Variants in LSAMP observed in about 807,000 individuals in gnomAD.
LSAMP encodes the protein limbic system associated membrane protein.
LSAMP carries 7 observed loss-of-function variants against 38.6 expected under a neutral mutation model. That is an observed-to-expected ratio of 0.18 (90% confidence interval 0.10 to 0.34). The LOEUF (loss-of-function observed/expected upper bound fraction) is 0.34, where lower values mean the gene tolerates loss of function less well. Ranked by LOEUF, LSAMP falls within the 10% of genes least tolerant of loss-of-function variation. LSAMP has a pLI of 1.00. For synonymous variants in LSAMP, 154 were observed against 166.8 expected (o/e 0.92, Z 0.59); for missense variants, 313 against 420.0 (o/e 0.75, Z 2.23).
intron 1 of LSAMP, among the ~76,000 whole-genome samples, chr3:116,155,026 T>TA (rs59677450): frequency 6.6e-6 from 1 of 151,772 alleles, no homozygotes; most frequent in African/African-American, 2.4e-5. Context: ...TGGTTTTTTT[T>TA]GTTTTTTGTT....
chr3:116,022,873 C>G (rs961094627), intron 2 of LSAMP, among the ~76,000 whole-genome samples: 3 of 152,198 alleles, frequency 2.0e-5, no homozygotes, highest in African/African-American at 7.2e-5. Context: ...CAAGTTTCAA[C>G]AAACTCAGGA....
intron 3 of LSAMP, among the ~76,000 whole-genome samples, chr3:115,855,363 C>A (rs906914973): frequency 2.0e-5 from 3 of 152,112 alleles, no homozygotes; most frequent in African/African-American, 4.8e-5. Context: ...CTCATTTGTT[C>A]CTGATAAGCA....
chr3:115,932,943 G>A (rs1421457631), intron 3 of LSAMP, among the ~76,000 whole-genome samples: 1 of 152,180 alleles, frequency 6.6e-6, no homozygotes, highest in Admixed American at 6.5e-5. Context: ...AGTGGAAAGA[G>A]GTGGTGACTT....
chr3:116,188,094 A>G (rs1164439230), intron 1 of LSAMP, among the ~76,000 whole-genome samples: 2 of 152,156 alleles, frequency 1.3e-5, no homozygotes, highest in Non-Finnish European at 2.9e-5. Flanking sequence ...TAAAAACAAC[A>G]GGCCCTTTCA....
intron 1 of LSAMP, among the ~76,000 whole-genome samples, chr3:116,252,638 T>C (rs2046699290): frequency 6.6e-6 from 1 of 152,250 alleles, no homozygotes; most frequent in Non-Finnish European, 1.5e-5. Flanking sequence ...GACTAAACAT[T>C]TTTAATGAAT....
intron 2 of LSAMP, among the ~76,000 whole-genome samples, chr3:116,082,560 A>G (rs552339661): frequency 2.6e-5 from 4 of 152,324 alleles, no homozygotes; most frequent in African/African-American, 9.6e-5. Context: ...ATGCTAGTTT[A>G]AGAAGCTCTC....
At chr3:116,050,284 C>A (rs1010053234) in intron 2 of LSAMP, among the ~76,000 whole-genome samples, 7 of 152,098 alleles carry the variant, frequency 4.6e-5, no homozygotes, top group Admixed American at 6.6e-5. Context: ...TCCCATTACC[C>A]TCTTCAGACC....
intron 3 of LSAMP, among the ~76,000 whole-genome samples, chr3:115,953,751 CAA>C (rs1938368297): frequency 6.6e-6 from 1 of 152,230 alleles, no homozygotes; most frequent in South Asian, 2.1e-4. Context: ...CCTACTTCTC[CAA>C]AGTCTTTTTC....
At chr3:116,328,763 G>C (rs1169961498) in intron 1 of LSAMP, among the ~76,000 whole-genome samples, 1 of 152,090 alleles carries the variant, frequency 6.6e-6, no homozygotes, top group East Asian at 1.9e-4. Context: ...CAATGCTCTA[G>C]AGGAAAAGCT....
At chr3:116,335,319 T>TA (rs2047904396) in intron 1 of LSAMP, among the ~76,000 whole-genome samples, 2 of 152,092 alleles carry the variant, frequency 1.3e-5, no homozygotes, top group African/African-American at 4.8e-5. Flanking sequence ...ATGCCATCCC[T>TA]ATCAAAATCC....
intron 1 of LSAMP, among the ~76,000 whole-genome samples, chr3:116,211,717 T>G (rs2046158731): frequency 6.6e-6 from 1 of 152,188 alleles, no homozygotes; most frequent in Non-Finnish European, 1.5e-5. Context: ...ATATCCCATA[T>G]TTGGGCCCTG....
intron 3 of LSAMP, among the ~76,000 whole-genome samples, chr3:115,894,824 CAG>C (rs1471859068): frequency 3.9e-5 from 6 of 152,106 alleles, no homozygotes; most frequent in African/African-American, 1.4e-4. Context: ...AGCTTGTTAC[CAG>C]TGAACACATA....
intron 1 of LSAMP, among the ~76,000 whole-genome samples, chr3:116,103,231 C>A (rs1163140865): frequency 1.3e-5 from 2 of 151,892 alleles, no homozygotes; most frequent in East Asian, 1.9e-4. Flanking sequence ...TTTGGGAGGC[C>A]CAGGTGGGCA....
At chr3:115,837,146 C>A (rs1934815041) in intron 6 of LSAMP, among the ~76,000 whole-genome samples, 1 of 152,148 alleles carries the variant, frequency 6.6e-6, no homozygotes, top group African/African-American at 2.4e-5. Context: ...GGGAGGCCCT[C>A]ATTATAAAGA....
chr3:115,945,401 C>T (rs1044078267), intron 3 of LSAMP, among the ~76,000 whole-genome samples: 1 of 152,084 alleles, frequency 6.6e-6, no homozygotes, highest in African/African-American at 2.4e-5. Context: ...ATAGGTCTGT[C>T]TCCGATGTGA....
intron 3 of LSAMP, among the ~76,000 whole-genome samples, chr3:116,000,837 TGAG>T (rs1559914843): frequency 6.6e-6 from 1 of 152,200 alleles, no homozygotes; most frequent in Non-Finnish European, 1.5e-5. Context: ...AGACCACTGA[TGAG>T]GAGTTCTCAT....
intron 3 of LSAMP, among the ~76,000 whole-genome samples, chr3:115,974,998 G>A (rs1364779016): frequency 6.6e-6 from 1 of 152,198 alleles, no homozygotes; most frequent in East Asian, 1.9e-4. Context: ...TAAGGGGCAA[G>A]AGAAGAACAA....
chr3:116,398,625 A>G (rs2107822806), intron 1 of LSAMP, among the ~76,000 whole-genome samples: 1 of 152,364 alleles, frequency 6.6e-6, no homozygotes, highest in Non-Finnish European at 1.5e-5. Context: ...AAGCATTAGA[A>G]AAGTGTATTT....
rs148353639 is a variant in LSAMP at position 116,074,786 on chromosome 3, T to C, written c.388+11538A>G. Among the ~76,000 whole-genome samples, 87 of 152,218 alleles carry C rather than the reference T, an allele frequency of 5.7e-4. 3 individuals carry two copies. The East Asian group carries it at 0.011, about 20-fold the overall frequency. ...TTTCCATGTTTGCCATTTCCATGTG[T>C]CCTTTTGTAAATTGGCAATTTATGT... On this transcript the variant is annotated intron_variant, in intron 2 of 6. Coordinates refer to ENST00000490035, the MANE Select transcript of LSAMP (RefSeq NM_002338.5).
Sources: gnomAD v4.1 joint callset for allele counts (sites outside exome capture counted in the v4.1 genomes callset) on GRCh38, gnomAD v4.1.1 for gene constraint, MANE v1.5 for transcripts, NCBI Gene and HGNC (gene_info 2026-07-23, HGNC 2026-07-21) for gene names.